The following RBFOX1 variants were observed in gnomAD, a reference collection of about 807,000 sequenced individuals.
The protein encoded by RBFOX1 is RNA binding fox-1 homolog 1.
In RBFOX1, 8 loss-of-function variants were observed where a neutral mutation model predicts 57.7. That is an observed-to-expected ratio of 0.14 (90% CI 0.08 to 0.25). RBFOX1 has a LOEUF of 0.25. Among genes scored for constraint, RBFOX1 ranks in the 10% least tolerant of loss-of-function variants. RBFOX1 has a pLI of 1.00. For missense variants in RBFOX1, 611 were observed against 548.5 expected, an observed-to-expected ratio of 1.11 and a Z score of -1.14; for synonymous variants, 326 against 222.4, an observed-to-expected ratio of 1.47 and a Z score of -4.15.
At chr16:6,818,556 C>G (rs2090616759) in intron 3 of RBFOX1, among the ~76,000 whole-genome samples, 1 of 152,190 alleles carries the variant, frequency 6.6e-6, no homozygotes, top group African/African-American at 2.4e-5. Flanking sequence ...AACTCTAGTT[C>G]CCTTTTTTCT....
intron 1 of RBFOX1, among the ~76,000 whole-genome samples, chr16:5,324,911 C>T (rs569721312): frequency 2.8e-4 from 43 of 152,298 alleles, no homozygotes; most frequent in Middle Eastern, 3.4e-3. Context: ...CATTTATCCC[C>T]AGTCTTTGTC....
At chr16:7,403,760 G>A (rs1010118888) in intron 4 of RBFOX1, among the ~76,000 whole-genome samples, 5 of 151,958 alleles carry the variant, frequency 3.3e-5, no homozygotes, top group Admixed American at 1.3e-4. Context: ...TGGCCAGGTT[G>A]GTCTCGAACT....
intron 3 of RBFOX1, among the ~76,000 whole-genome samples, chr16:5,685,371 G>C (rs1432605614): frequency 6.6e-6 from 1 of 152,170 alleles, no homozygotes; most frequent in East Asian, 1.9e-4. Context: ...GGGCTCTTAT[G>C]AGTAGATTCA....
chr16:6,708,276 A>C (rs746110814), intron 3 of RBFOX1, among the ~76,000 whole-genome samples: 3 of 110,752 alleles, frequency 2.7e-5, no homozygotes, highest in Non-Finnish European at 6.0e-5. Context: ...GATAGTCCCA[A>C]AGCATTTTTG....
chr16:6,791,789 C>A (rs1225433759), intron 3 of RBFOX1, among the ~76,000 whole-genome samples: 2 of 151,854 alleles, frequency 1.3e-5, no homozygotes, highest in Non-Finnish European at 2.9e-5. Context: ...GGTGCAGGAC[C>A]CTTTGAGTGG....
chr16:6,317,078 A>G (rs761707519), intron 2 of RBFOX1, 21 bp downstream of exon 2: 16 of 1,524,052 alleles, frequency 1.0e-5, no homozygotes, highest in African/African-American at 4.1e-5. Flanking sequence ...CCCATTTTGA[A>G]CATTCATTCC....
intron 3 of RBFOX1, among the ~76,000 whole-genome samples, chr16:5,801,559 G>T (rs768448037): frequency 3.3e-5 from 5 of 152,156 alleles, no homozygotes; most frequent in Non-Finnish European, 5.9e-5. Context: ...GTGCATGCAC[G>T]CGGGGATGAG....
At chr16:5,522,448 TGTA>T (rs1275032683) in intron 2 of RBFOX1, among the ~76,000 whole-genome samples, 1 of 152,260 alleles carries the variant, frequency 6.6e-6, no homozygotes, top group Admixed American at 6.5e-5. Flanking sequence ...AAGAGGTACA[TGTA>T]GTATTTCATT....
chr16:7,170,074 A>AAAAT (rs372647277), intron 4 of RBFOX1, among the ~76,000 whole-genome samples: 111 of 152,200 alleles, frequency 7.3e-4, no homozygotes, highest in Admixed American at 2.6e-3. Context: ...ACCCTGTCTC[A>AAAAT]AAATAAATAA....
At chr16:6,863,400 C>G (rs1603633785) in intron 3 of RBFOX1, among the ~76,000 whole-genome samples, 1 of 152,000 alleles carries the variant, frequency 6.6e-6, no homozygotes, top group Non-Finnish European at 1.5e-5. Context: ...ATTCAAAGCT[C>G]CTTACTAAAA....
intron 2 of RBFOX1, among the ~76,000 whole-genome samples, chr16:6,499,473 C>A (rs143718204): frequency 6.6e-6 from 1 of 151,990 alleles, no homozygotes; most frequent in African/African-American, 2.4e-5. Flanking sequence ...AGCCTAGGGA[C>A]AATGGTATTA....
chr16:7,477,370 C>G (rs1287929803), intron 4 of RBFOX1, among the ~76,000 whole-genome samples: 2 of 152,142 alleles, frequency 1.3e-5, no homozygotes, highest in South Asian at 2.1e-4. Flanking sequence ...GACCTGGGCT[C>G]CAGTTTGGGT....
intron 4 of RBFOX1, among the ~76,000 whole-genome samples, chr16:7,055,915 A>T (rs933951816): frequency 2.6e-5 from 4 of 152,146 alleles, no homozygotes; most frequent in African/African-American, 9.7e-5. Flanking sequence ...AACTTTGTGA[A>T]TTCTGGTTTG....
At chr16:7,693,223 TCCCTC>T (rs1164833272) in intron 14 of RBFOX1, 3 of 1,021,954 alleles carry the variant, frequency 2.9e-6, no homozygotes, top group Non-Finnish European at 4.6e-6. Context: ...GCAGCACCCT[TCCCTC>T]CCCTCATCTG....
At chr16:5,657,237 A>G (rs1003759621) in intron 3 of RBFOX1, among the ~76,000 whole-genome samples, 2 of 152,244 alleles carry the variant, frequency 1.3e-5, no homozygotes, top group East Asian at 3.8e-4. Flanking sequence ...AGCAAGCCAT[A>G]TATGGTCTTA....
At chr16:6,797,125 G>A (rs904344833) in intron 3 of RBFOX1, among the ~76,000 whole-genome samples, 5 of 152,128 alleles carry the variant, frequency 3.3e-5, no homozygotes, top group Non-Finnish European at 7.3e-5. Flanking sequence ...TCTGCTGTTC[G>A]TTGTTTTACT....
chr16:6,904,657 C>G (rs866202616), intron 3 of RBFOX1, among the ~76,000 whole-genome samples: 3 of 140,294 alleles, frequency 2.1e-5, no homozygotes, highest in African/African-American at 7.9e-5. Context: ...ATTCATACAT[C>G]TTGTACCTGA....
intron 4 of RBFOX1, among the ~76,000 whole-genome samples, chr16:7,359,826 T>C (rs1354794287): frequency 2.0e-5 from 3 of 151,640 alleles, no homozygotes; most frequent in Non-Finnish European, 2.9e-5. Flanking sequence ...CTACTGAAAA[T>C]ATGAAAAATT....
chr16:7,036,692 C>G (rs751981365), intron 3 of RBFOX1, among the ~76,000 whole-genome samples: 5 of 144,890 alleles, frequency 3.5e-5, no homozygotes, highest in Middle Eastern at 6.9e-3. Context: ...AACTCCGTCT[C>G]AAAAACAAAC....
Sources: gnomAD v4.1 joint callset for allele counts (sites outside exome capture counted in the v4.1 genomes callset) on GRCh38, gnomAD v4.1.1 for gene constraint, MANE v1.5 for transcripts, NCBI Gene and HGNC (gene_info 2026-07-23, HGNC 2026-07-21) for gene names.